SYN3: variants seen among roughly 807,000 people sequenced by gnomAD.
SYN3 encodes the protein synapsin-3.
In SYN3, 35 loss-of-function variants were observed where a neutral mutation model predicts 65.8. That is an observed-to-expected ratio of 0.53 (90% CI 0.41 to 0.70). The LOEUF (loss-of-function observed/expected upper bound fraction) is 0.70, where lower values mean the gene tolerates loss of function less well. SYN3 is among the 30% of genes least tolerant of loss of function. The pLI is 0.00. For synonymous variants in SYN3, 270 were observed against 292.9 expected (o/e 0.92, Z 0.80); for missense variants, 680 against 749.0 (o/e 0.91, Z 1.08).
chr22:32,523,515 AAAAC>A (rs541997649), intron 12 of SYN3, among the ~76,000 whole-genome samples: 111 of 152,240 alleles, frequency 7.3e-4, no homozygotes, highest in Non-Finnish European at 1.4e-3. Flanking sequence ...TCCATCTCAA[AAAAC>A]AAACAAACAA....
intron 3 of SYN3, among the ~76,000 whole-genome samples, chr22:32,967,094 C>T (rs76203714): frequency 0.017 from 2,649 of 152,182 alleles, 79 homozygotes; most frequent in African/African-American, 0.06. Context: ...GGATGAAACA[C>T]GCTAATCCAT....
At chr22:32,582,000 A>G (rs1011937777) in intron 7 of SYN3, among the ~76,000 whole-genome samples, 4 of 151,810 alleles carry the variant, frequency 2.6e-5, no homozygotes, top group Non-Finnish European at 5.9e-5. Flanking sequence ...GGTTTTCACC[A>G]TGTTGGCCAG....
intron 6 of SYN3, among the ~76,000 whole-genome samples, chr22:32,804,056 A>G (rs1438272794): frequency 2.0e-5 from 3 of 152,232 alleles, no homozygotes; most frequent in African/African-American, 7.2e-5. Flanking sequence ...GATTGAAACA[A>G]GAAATAGCTC....
intron 4 of SYN3, among the ~76,000 whole-genome samples, chr22:32,919,103 C>A (rs896040263): frequency 6.6e-6 from 1 of 152,202 alleles, no homozygotes; most frequent in African/African-American, 2.4e-5. Flanking sequence ...CCAAGGAAGT[C>A]TCTGCCTTTC....
chr22:32,905,529 C>T (rs929769369), intron 4 of SYN3, among the ~76,000 whole-genome samples: 8 of 152,220 alleles, frequency 5.3e-5, no homozygotes, highest in Admixed American at 6.5e-5. Context: ...ACTTGCTGTG[C>T]GCCAGACACT....
At chr22:32,650,230 TCTCCCTCCCTCC>T (rs747251948) in intron 6 of SYN3, among the ~76,000 whole-genome samples, 19 of 93,288 alleles carry the variant, frequency 2.0e-4, no homozygotes, top group East Asian at 7.6e-4. Flanking sequence ...TCTCTCTCTC[TCTCCCTCCCTCC>T]CTCCCTCCCT....
rs11913943 is a variant in SYN3 at position 32,952,630 on chromosome 22, C to T, written c.370-21149G>A. ...AATCAGCCAGGTGTGGTGGTGCATG[C>T]CTATCGTCCTAGTTACTTAGGACTC... On this transcript the variant is annotated intron_variant, in intron 3 of 13. Coordinates refer to ENST00000358763, the MANE Select transcript of SYN3 (RefSeq NM_003490.4). Among the ~76,000 whole-genome samples, 24 of 152,116 alleles carry T rather than the reference C, an allele frequency of 1.6e-4. No homozygotes were observed. The East Asian group carries it at 3.7e-3, about 23-fold the overall frequency.
intron 6 of SYN3, among the ~76,000 whole-genome samples, chr22:32,606,433 G>T (rs988105408): frequency 6.6e-6 from 1 of 152,208 alleles, no homozygotes. Flanking sequence ...ACGGCACATA[G>T]AGACACTCCT....
intron 12 of SYN3, among the ~76,000 whole-genome samples, chr22:32,522,591 G>T (rs966871996): frequency 3.9e-5 from 6 of 152,122 alleles, no homozygotes; most frequent in East Asian, 1.9e-4. Context: ...TTAGTTACAA[G>T]GATTGTTAAT....
chr22:33,053,999 C>G (rs973189058), intron 1 of SYN3, among the ~76,000 whole-genome samples: 2 of 152,168 alleles, frequency 1.3e-5, no homozygotes, highest in Non-Finnish European at 2.9e-5. Flanking sequence ...TGGAGACTCA[C>G]AGGAACGAAC....
chr22:32,747,471 G>A (rs373741219), intron 6 of SYN3, among the ~76,000 whole-genome samples: 7 of 152,182 alleles, frequency 4.6e-5, no homozygotes, highest in East Asian at 3.9e-4. Flanking sequence ...ATGGGACACC[G>A]GTAAAGTGCT....
At chr22:32,840,784 A>T (rs2047876606) in intron 6 of SYN3, among the ~76,000 whole-genome samples, 1 of 152,116 alleles carries the variant, frequency 6.6e-6, no homozygotes, top group African/African-American at 2.4e-5. Flanking sequence ...CTCCCCTGAG[A>T]TGGACTTCAT....
At chr22:32,986,183 G>A (rs760477990) in intron 2 of SYN3, among the ~76,000 whole-genome samples, 2 of 151,760 alleles carry the variant, frequency 1.3e-5, no homozygotes, top group Admixed American at 6.6e-5. Flanking sequence ...TCTGTAGGCC[G>A]GCCTTTCCTG....
intron 4 of SYN3, among the ~76,000 whole-genome samples, chr22:32,889,567 C>T (rs2049385909): frequency 6.6e-6 from 1 of 152,174 alleles, no homozygotes; most frequent in South Asian, 2.1e-4. Context: ...ATAATGTTTA[C>T]ACGTCAATGT....
chr22:32,981,961 T>C (rs965440635), intron 2 of SYN3, among the ~76,000 whole-genome samples: 2 of 152,202 alleles, frequency 1.3e-5, no homozygotes, highest in African/African-American at 4.8e-5. Flanking sequence ...TTCAGAAATA[T>C]GTTGAATGTA....
intron 5 of SYN3, 35 bp from the exon 6 acceptor site, chr22:32,865,039 T>C (rs2048654239): frequency 1.3e-6 from 2 of 1,555,164 alleles, no homozygotes; most frequent in Non-Finnish European, 1.8e-6. Flanking sequence ...TGATCAACTA[T>C]TGTCACCCAG....
chr22:32,621,760 C>T (rs928286580), intron 6 of SYN3, among the ~76,000 whole-genome samples: 6 of 152,152 alleles, frequency 3.9e-5, no homozygotes, highest in Non-Finnish European at 7.3e-5. Context: ...CTCTGTTAAG[C>T]GCTGCCTGCA....
At chr22:32,725,678 G>A (rs2061180801) in intron 6 of SYN3, among the ~76,000 whole-genome samples, 2 of 152,214 alleles carry the variant, frequency 1.3e-5, no homozygotes, top group African/African-American at 4.8e-5. Context: ...GGCCTCCAGA[G>A]CTGGAAAAGA....
chr22:32,730,596 T>A (rs958551196), intron 6 of SYN3, among the ~76,000 whole-genome samples: 1 of 152,292 alleles, frequency 6.6e-6, no homozygotes, highest in East Asian at 1.9e-4. Flanking sequence ...ATATTGTGAG[T>A]TTGCTTATCA....
Sources: gnomAD v4.1 joint callset for allele counts (sites outside exome capture counted in the v4.1 genomes callset) on GRCh38, gnomAD v4.1.1 for gene constraint, MANE v1.5 for transcripts, NCBI Gene and HGNC (gene_info 2026-07-23, HGNC 2026-07-21) for gene names.